RANBP2: variants seen among roughly 807,000 people sequenced by gnomAD.
The protein encoded by RANBP2 is E3 SUMO-protein ligase RanBP2.
In RANBP2, 57 loss-of-function variants were observed where a neutral mutation model predicts 303.6. The observed-to-expected ratio is 0.19, with a 90% CI of 0.15 to 0.23. RANBP2 has a LOEUF of 0.23. Ranked by LOEUF, RANBP2 falls within the 10% of genes least tolerant of loss-of-function variation. The pLI is 1.00. For missense variants in RANBP2, 3,138 were observed against 3,780.8 expected, an observed-to-expected ratio of 0.83 and a Z score of 4.46; for synonymous variants, 1,167 against 1,301.5, an observed-to-expected ratio of 0.90 and a Z score of 2.23.
At chr2:109,331,533 C>G in the RANBP2 span, among the ~76,000 whole-genome samples, 1 of 152,120 alleles carries the variant, frequency 6.6e-6, no homozygotes, top group African/African-American at 2.4e-5. Flanking sequence ...TTTAAAATTG[C>G]AACCCCCACC....
the RANBP2 span, among the ~76,000 whole-genome samples, chr2:109,620,304 C>T: frequency 1.3e-5 from 2 of 152,168 alleles, no homozygotes; most frequent in Non-Finnish European, 2.9e-5. Context: ...ATCTGCAGCT[C>T]AGCCAAAAGA....
chr2:109,659,776 C>T, the RANBP2 span, among the ~76,000 whole-genome samples: 2 of 152,334 alleles, frequency 1.3e-5, no homozygotes, highest in East Asian at 3.9e-4. Flanking sequence ...CTCTAGGCCC[C>T]CAGCCTACGA....
the RANBP2 span, among the ~76,000 whole-genome samples, chr2:108,967,573 G>A: frequency 7.2e-5 from 11 of 152,158 alleles, no homozygotes; most frequent in African/African-American, 2.4e-4. Context: ...TTTCTGCCAA[G>A]ACGGGGTGGC....
At chr2:109,479,367 T>C in the RANBP2 span, among the ~76,000 whole-genome samples, 2 of 152,114 alleles carry the variant, frequency 1.3e-5, no homozygotes, top group Non-Finnish European at 2.9e-5. Flanking sequence ...ATTTAGAAAA[T>C]ACAATTTGCC....
chr2:109,499,001 G>A, the RANBP2 span, among the ~76,000 whole-genome samples: 5 of 152,290 alleles, frequency 3.3e-5, no homozygotes, highest in South Asian at 4.1e-4. Flanking sequence ...ATGCTGGGGC[G>A]TTTAGACTGT....
the RANBP2 span, chr2:109,617,852 C>G: frequency 1.3e-5 from 2 of 158,884 alleles, no homozygotes; most frequent in African/African-American, 4.8e-5. Context: ...AAACCTGTCT[C>G]TACTAAAAAT....
the RANBP2 span, among the ~76,000 whole-genome samples, chr2:108,792,891 T>C: frequency 1.3e-5 from 2 of 150,444 alleles, no homozygotes; most frequent in South Asian, 4.2e-4. Flanking sequence ...GGTGAAACCC[T>C]GTCTCTACTA....
At chr2:109,375,722 G>A in the RANBP2 span, among the ~76,000 whole-genome samples, 2 of 152,330 alleles carry the variant, frequency 1.3e-5, no homozygotes, top group South Asian at 2.1e-4. Flanking sequence ...GAGTGCCGGG[G>A]CTGAGCACCC....
chr2:108,837,187 C>CT, the RANBP2 span, among the ~76,000 whole-genome samples: 1 of 151,978 alleles, frequency 6.6e-6, no homozygotes, highest in Non-Finnish European at 1.5e-5. Context: ...TATATATAGC[C>CT]TTTATTATAT....
At chr2:108,994,986 C>T in the RANBP2 span, among the ~76,000 whole-genome samples, 34 of 151,844 alleles carry the variant, frequency 2.2e-4, no homozygotes, top group Non-Finnish European at 2.5e-4. Flanking sequence ...CCCGCCACCA[C>T]GCCTGGCTAA....
At chr2:109,279,338 A>T in the RANBP2 span, among the ~76,000 whole-genome samples, 1 of 152,198 alleles carries the variant, frequency 6.6e-6, no homozygotes, top group Non-Finnish European at 1.5e-5. Context: ...GTGAAGGTTC[A>T]AGCACACTGA....
At chr2:109,684,999 G>A in the RANBP2 span, among the ~76,000 whole-genome samples, 41 of 151,562 alleles carry the variant, frequency 2.7e-4, no homozygotes, top group African/African-American at 8.5e-4. Flanking sequence ...TCAGCCTCCC[G>A]AGTAGCTAGG....
At chr2:108,854,111 A>G in the RANBP2 span, among the ~76,000 whole-genome samples, 1,635 of 135,174 alleles carry the variant, frequency 0.012, 33 homozygotes, top group African/African-American at 0.043. Flanking sequence ...TAATAAATAT[A>G]TATAATATAT....
chr2:109,333,600 A>G, the RANBP2 span, among the ~76,000 whole-genome samples: 1 of 152,218 alleles, frequency 6.6e-6, no homozygotes, highest in Non-Finnish European at 1.5e-5. Flanking sequence ...ACAATGGCAG[A>G]GTTGAATAGT....
chr2:109,449,327 A>C, the RANBP2 span: 6 of 1,604,910 alleles, frequency 3.7e-6, no homozygotes, highest in Non-Finnish European at 5.1e-6. Flanking sequence ...AGATGTGCCC[A>C]CGGCCGGCCA....
At chr2:108,967,095 A>T in the RANBP2 span, among the ~76,000 whole-genome samples, 2 of 152,098 alleles carry the variant, frequency 1.3e-5, no homozygotes, top group Non-Finnish European at 2.9e-5. Context: ...CTACCATGCC[A>T]GGCTAATTTT....
At chr2:109,085,914 C>T in the RANBP2 span, among the ~76,000 whole-genome samples, 1 of 152,148 alleles carries the variant, frequency 6.6e-6, no homozygotes, top group Non-Finnish European at 1.5e-5. Context: ...CCATCAAAAC[C>T]ATTTTTAAGT....
At chr2:108,723,334 C>T (rs1694432589) in intron 1 of RANBP2, among the ~76,000 whole-genome samples, 1 of 149,748 alleles carries the variant, frequency 6.7e-6, no homozygotes, top group Non-Finnish European at 1.5e-5. Flanking sequence ...GGCTGGAGTG[C>T]AGTGGCGCGA....
the RANBP2 span, among the ~76,000 whole-genome samples, chr2:109,256,308 C>A: frequency 2.6e-5 from 4 of 152,182 alleles, no homozygotes; most frequent in African/African-American, 9.7e-5. Flanking sequence ...GGGAAGTTGA[C>A]GCTGTGACGT....
Sources: gnomAD v4.1 joint callset for allele counts (sites outside exome capture counted in the v4.1 genomes callset) on GRCh38, gnomAD v4.1.1 for gene constraint, MANE v1.5 for transcripts, NCBI Gene and HGNC (gene_info 2026-07-23, HGNC 2026-07-21) for gene names.